The following SLC8A1 variants were observed in gnomAD, a reference collection of about 807,000 sequenced individuals.
The protein encoded by SLC8A1 is solute carrier family 8 member A1, also known as sodium/calcium exchanger 1.
SLC8A1 carries 18 observed loss-of-function variants against 68.3 expected under a neutral mutation model. The ratio of observed to expected loss-of-function variants is 0.26; its 90% CI spans 0.18 to 0.39. The LOEUF (loss-of-function observed/expected upper bound fraction) is 0.39. Among genes scored for constraint, SLC8A1 ranks in the 10% least tolerant of loss-of-function variants. SLC8A1 has a pLI of 1.00. For missense variants in SLC8A1, 985 were observed against 1,156.7 expected (o/e 0.85, Z 2.15); for synonymous variants, 475 against 415.5 (o/e 1.14, Z -1.74).
intron 3 of SLC8A1, 31 bp from the exon 5 acceptor site, chr2:40,174,873 A>T: frequency 1.3e-6 from 2 of 1,597,030 alleles, no homozygotes; most frequent in Non-Finnish European, 1.7e-6. Flanking sequence ...AACAAATGTT[A>T]TAATTTGACA....
At chr2:40,125,804 A>G (rs999727378) in intron 7 of SLC8A1, among the ~76,000 whole-genome samples, 2 of 152,220 alleles carry the variant, frequency 1.3e-5, no homozygotes, top group Admixed American at 1.3e-4. Context: ...TGCTAAGAAT[A>G]TGCCATGAGC....
At chr2:40,390,115 G>C (rs1329106786) in intron 2 of SLC8A1, among the ~76,000 whole-genome samples, 4 of 151,932 alleles carry the variant, frequency 2.6e-5, no homozygotes, top group African/African-American at 9.7e-5. Context: ...CATTTTACTA[G>C]AAAATCTGGA....
intron 2 of SLC8A1, among the ~76,000 whole-genome samples, chr2:40,314,482 C>A (rs1007806185): frequency 2.0e-5 from 3 of 151,558 alleles, no homozygotes; most frequent in African/African-American, 7.3e-5. Flanking sequence ...TATTTTAGGT[C>A]CTCTGTATTT....
intron 2 of SLC8A1, among the ~76,000 whole-genome samples, chr2:40,423,695 A>C (rs1326578247): frequency 1.3e-5 from 2 of 152,048 alleles, no homozygotes; most frequent in African/African-American, 4.8e-5. Context: ...AGATTATAAT[A>C]GCAAATATGG....
intron 2 of SLC8A1, among the ~76,000 whole-genome samples, chr2:40,327,213 C>A (rs938643936): frequency 6.6e-6 from 1 of 152,132 alleles, no homozygotes; most frequent in African/African-American, 2.4e-5. Context: ...AATTACATTT[C>A]TAATTTGATA....
chr2:40,141,864 G>A (rs1484572627), intron 6 of SLC8A1, among the ~76,000 whole-genome samples: 1 of 152,176 alleles, frequency 6.6e-6, no homozygotes, highest in Admixed American at 6.5e-5. Context: ...GGAGATACCA[G>A]GGATGTGCGT....
At chr2:40,156,802 G>C (rs1364591461) in intron 6 of SLC8A1, among the ~76,000 whole-genome samples, 1 of 152,134 alleles carries the variant, frequency 6.6e-6, no homozygotes, top group Non-Finnish European at 1.5e-5. Context: ...GTATGCCTCT[G>C]TGTACGTGCA....
At chr2:40,415,076 T>C (rs1693391285) in intron 2 of SLC8A1, among the ~76,000 whole-genome samples, 1 of 152,122 alleles carries the variant, frequency 6.6e-6, no homozygotes, top group African/African-American at 2.4e-5. Flanking sequence ...ATGGAATGCA[T>C]GAAGAAGACT....
rs375362497 is a variant in SLC8A1 at position 40,097,503 on chromosome 2, T to A, written c.*17750A>T. 2.7e-3 allele frequency: 369 copies of A among 137,586 alleles called. 3 individuals carry two copies. The highest frequency in any genetic ancestry group is 0.011 in the African/African-American group (335 of 31,832). The allele number at this position is 137,586 out of a possible 1,614,324, so 8.5% of individuals were successfully genotyped here. ...CATGAAAAATATTGCCAGTTCAACT[T>A]TGGGTTATAACATGTATAATTTTTT... On this transcript the variant is annotated 3_prime_UTR_variant, in exon 8 of 8. Transcript: ENST00000406785.
intron 2 of SLC8A1, among the ~76,000 whole-genome samples, chr2:40,295,250 C>A (rs143272708): frequency 5.4e-4 from 82 of 152,128 alleles, no homozygotes; most frequent in African/African-American, 1.9e-3. Context: ...CAGGCATAAG[C>A]CACCATGCCC....
At chr2:40,136,217 A>T (rs1338694233) in intron 7 of SLC8A1, among the ~76,000 whole-genome samples, 1 of 152,144 alleles carries the variant, frequency 6.6e-6, no homozygotes, top group African/African-American at 2.4e-5. Flanking sequence ...CCCTTTCTCT[A>T]TTCACAGGCA....
intron 7 of SLC8A1, among the ~76,000 whole-genome samples, chr2:40,119,845 A>G (rs2036377878): frequency 6.6e-6 from 1 of 152,204 alleles, no homozygotes; most frequent in African/African-American, 2.4e-5. Flanking sequence ...TGGCTCCTTG[A>G]TACATATGAC....
intron 6 of SLC8A1, among the ~76,000 whole-genome samples, 177 bp downstream of exon 9, chr2:40,160,588 A>G (rs932853238): frequency 6.6e-6 from 1 of 152,218 alleles, no homozygotes; most frequent in Admixed American, 6.5e-5. Context: ...CATTTGCTTC[A>G]TCTAGATAGT....
chr2:40,244,606 C>G (rs2061619805), intron 2 of SLC8A1, among the ~76,000 whole-genome samples: 1 of 148,062 alleles, frequency 6.8e-6, no homozygotes, highest in Admixed American at 6.7e-5. Flanking sequence ...ACCCCACAAA[C>G]TTTCTGACAG....
chr2:40,398,591 AT>A (rs1226497641), intron 2 of SLC8A1, among the ~76,000 whole-genome samples: 2 of 152,232 alleles, frequency 1.3e-5, no homozygotes, highest in African/African-American at 2.4e-5. Context: ...TTTTATTTTT[AT>A]AAAAATGCAA....
chr2:40,181,360 A>G (rs1159757891), intron 2 of SLC8A1, among the ~76,000 whole-genome samples: 2 of 152,224 alleles, frequency 1.3e-5, no homozygotes, highest in Admixed American at 6.5e-5. Flanking sequence ...ATTTATCACT[A>G]GCATATCCCT....
At chr2:40,377,128 AG>A (rs200908888) in intron 2 of SLC8A1, among the ~76,000 whole-genome samples, 9,712 of 152,138 alleles carry the variant, frequency 0.064, 980 homozygotes, top group African/African-American at 0.21. Context: ...AAGTTACTCA[AG>A]GAAGAGTTTA....
intron 1 of SLC8A1, among the ~76,000 whole-genome samples, chr2:40,430,559 T>G (rs571450222): frequency 2.0e-5 from 3 of 152,250 alleles, no homozygotes; most frequent in African/African-American, 7.2e-5. Context: ...CTACATGTAG[T>G]ACCCATTCAC....
intron 2 of SLC8A1, among the ~76,000 whole-genome samples, chr2:40,409,888 A>C (rs1376466592): frequency 6.6e-6 from 1 of 152,014 alleles, no homozygotes; most frequent in Non-Finnish European, 1.5e-5. Flanking sequence ...TAATCTGAAA[A>C]CTTATCAGTG....
Sources: allele counts gnomAD v4.1 joint callset (sites outside exome capture counted in the v4.1 genomes callset), GRCh38; gene constraint gnomAD v4.1.1; transcripts MANE v1.5; gene names NCBI Gene and HGNC (gene_info 2026-07-23, HGNC 2026-07-21).